SLC7A6: variants seen among roughly 807,000 people sequenced by gnomAD.
SLC7A6 encodes the protein Y+L amino acid transporter 2.
In SLC7A6, 29 loss-of-function variants were observed where a neutral mutation model predicts 46.6. That is an observed-to-expected ratio of 0.62 (90% CI 0.46 to 0.85). The LOEUF (loss-of-function observed/expected upper bound fraction) is 0.85. SLC7A6 is among the 40% of genes least tolerant of loss of function. The pLI is 0.00. For missense variants in SLC7A6, 527 were observed against 647.6 expected, an observed-to-expected ratio of 0.81 and a Z score of 2.02; for synonymous variants, 276 against 257.3, an observed-to-expected ratio of 1.07 and a Z score of -0.70.
At chr16:68,276,299 T>C (rs117923432) in intron 3 of SLC7A6, among the ~76,000 whole-genome samples, 132 of 152,356 alleles carry the variant, frequency 8.7e-4, no homozygotes, top group East Asian at 3.7e-3. Context: ...GCTGTGAATT[T>C]ACCCAGCCTT....
In SLC7A6 at chr16:68,295,521, G is replaced by C. The variant is rs72792205; in HGVS notation, c.1119+720G>C. On this transcript the variant is annotated intron_variant, in intron 8 of 10. Coordinates refer to ENST00000219343, the MANE Select transcript of SLC7A6 (RefSeq NM_003983.6). ...GCCCAGGCTGGTCTTGAGCTCCTGG[G>C]CTCCAGTGAGCTGCCACTTCAGTCT... Among the ~76,000 whole-genome samples, 913 of 152,236 alleles carry C rather than the reference G, an allele frequency of 6.0e-3. 1 individual carries two copies. The highest frequency in any genetic ancestry group is 1.0e-2 in the Non-Finnish European group (680 of 68,002).
chr16:68,275,527 G>A (rs1430337370), intron 3 of SLC7A6, among the ~76,000 whole-genome samples: 9 of 151,364 alleles, frequency 5.9e-5, no homozygotes, highest in South Asian at 4.2e-4. Flanking sequence ...CCCAGGAGGC[G>A]GAGGTTGTGG....
chr16:68,275,140 C>T lies in SLC7A6; in HGVS notation c.414C>T (p.Thr138=), dbSNP rs764933979. Residue 138 remains threonine (T), a synonymous_variant, in exon 3 of 11, where the codon ACC becomes ACT. Coordinates refer to ENST00000219343, the MANE Select transcript of SLC7A6 (RefSeq NM_003983.6). ...TCTCACTGCTAGTTGTTGAGCCCAC[C>T]GGTCAGGCCATCATCGCCATCACCT... ...LWVSLLVVEP[T]GQAIIAITFA... 20 of 1,613,962 alleles carry T rather than the reference C, an allele frequency of 1.2e-5. No homozygotes were observed. The highest frequency in any genetic ancestry group is 3.3e-4 in the Middle Eastern group (2 of 6,084).
chr16:68,301,171 A>G lies in SLC7A6; in HGVS notation c.*3843A>G, dbSNP rs2043265570. 1 of 1,494,104 alleles carries G rather than the reference A, an allele frequency of 6.7e-7. No homozygotes were observed. 92.6% of individuals were successfully genotyped at this position (1,494,104 alleles called of 1,614,324 possible). On this transcript the variant is annotated 3_prime_UTR_variant, in exon 11 of 11. Coordinates refer to ENST00000219343, the MANE Select transcript of SLC7A6 (RefSeq NM_003983.6). ...ATATGCTTGATATGCTTTTCCTTCC[A>G]CATGTTAAGCTAGGAAACCTAACAG...
intron 3 of SLC7A6, 71 bp downstream of exon 3, chr16:68,275,320 G>A: frequency 6.5e-7 from 1 of 1,544,774 alleles, no homozygotes; most frequent in Non-Finnish European, 8.7e-7. Context: ...TTTAGGCCGG[G>A]CGCGGTGGCT....
chr16:68,290,872 C>T (rs1441013254), intron 5 of SLC7A6: 3 of 471,460 alleles, frequency 6.4e-6, no homozygotes, highest in Non-Finnish European at 7.7e-6. Flanking sequence ...AAAACTTATT[C>T]TGGCCAGCTG....
At chr16:68,276,507 G>T (rs1249509211) in intron 3 of SLC7A6, among the ~76,000 whole-genome samples, 1 of 152,112 alleles carries the variant, frequency 6.6e-6, no homozygotes, top group Non-Finnish European at 1.5e-5. Context: ...GAATACCCAT[G>T]CCTCTTGACT....
Position 68,297,679 on chromosome 16 carries a change from A to G in SLC7A6, c.*351A>G, listed in dbSNP as rs528987664. 64 of 182,732 alleles carry G rather than the reference A, an allele frequency of 3.5e-4. No homozygotes were observed. Among genetic ancestry groups the G allele is most frequent in the African/African-American group, 1.5e-3 (62 of 42,342 alleles). 11.3% of individuals were successfully genotyped at this position (182,732 alleles called of 1,614,324 possible). Reference sequence around the variant, plus strand: ...AGGGCTGGTGGCTTCTGAATTTGGTATTTGAACTAGGAGTCCCTATAGAGG... The same window carrying G: ...AGGGCTGGTGGCTTCTGAATTTGGTGTTTGAACTAGGAGTCCCTATAGAGG... On this transcript the variant is annotated 3_prime_UTR_variant, in exon 11 of 11. Transcript: ENST00000219343.
In SLC7A6 at chr16:68,290,502, C is replaced by T. The variant is rs1355712726; in HGVS notation, c.756C>T (p.Thr252=). Residue 252 remains threonine (T), a synonymous_variant, in exon 5 of 11, where the codon ACC becomes ACT. Transcript: ENST00000219343. Reference sequence around the variant, plus strand: ...TCTTCTCTTACTCAGGTTGGGACACCCTTAATTTTGTAACAGAAGAAATCA... The same window carrying T: ...TCTTCTCTTACTCAGGTTGGGACACTCTTAATTTTGTAACAGAAGAAATCA... ...SALFSYSGWD[T]LNFVTEEIKN... 6 of 1,614,024 alleles carry T rather than the reference C, an allele frequency of 3.7e-6. No individual in the cohort carries two copies. The highest frequency in any genetic ancestry group is 5.1e-6 in the Non-Finnish European group (6 of 1,180,044).
intron 2 of SLC7A6, among the ~76,000 whole-genome samples, chr16:68,267,061 A>G (rs9926893): frequency 0.59 from 89,576 of 151,666 alleles, 26,680 homozygotes; most frequent in East Asian, 0.81. Flanking sequence ...CAGCCTCCCA[A>G]GTAGCTGGGA....
rs770992481 is a variant in SLC7A6 at position 68,301,299 on chromosome 16, G to A, written c.*3971G>A. 8.1e-6 allele frequency: 13 copies of A among 1,614,044 alleles called. No individual in the cohort carries two copies. The South Asian group carries it at 8.8e-5, about 11-fold the overall frequency. On this transcript the variant is annotated 3_prime_UTR_variant, in exon 11 of 11. Transcript: ENST00000219343. The stretch of plus-strand genomic sequence containing the variant: ...ATCAGTCTGAATCCAGGTCGTGGGG[G>A]CTGTCATAGCCGAACTCCTTCTGCA...
In SLC7A6 at chr16:68,296,441, C is replaced by T. The variant is rs2043167588; in HGVS notation, c.1197C>T (p.Phe399=). Residue 399 remains phenylalanine, a synonymous_variant, in exon 9 of 11, where the codon TTC becomes TTT. Coordinates refer to ENST00000219343, the MANE Select transcript of SLC7A6 (RefSeq NM_003983.6). ...LINYFSFSYW[F]FVGLSVVGQL... ...ACTACTTCAGCTTCAGCTACTGGTT[C>T]TTCGTGGGCCTGTCTGTTGTTGGAC... The T allele has an allele frequency of 6.2e-7, 1 of 1,614,052 alleles. No individual in the cohort carries two copies. Among genetic ancestry groups the T allele is most frequent in the Admixed American group, 1.7e-5 (1 of 60,000 alleles).
At position 68,297,085 on chromosome 16, in the gene SLC7A6, G is replaced by C. The variant is rs1164796048; in HGVS notation, c.1454-149G>C. ...TTGGGCATGGGACAGAGGATGATGA[G>C]GCTTGTTGGGAGACAGGGGCAAAGC... is the stretch of plus-strand genomic sequence containing the variant. On this transcript the variant is annotated intron_variant, in intron 10 of 10. Transcript: ENST00000219343. The C allele has an allele frequency of 5.4e-6, 4 of 739,208 alleles. No homozygotes were observed. In the East Asian group the frequency reaches 8.1e-5, roughly 15 times the overall value. The allele number at this position is 739,208 out of a possible 1,614,324, so 45.8% of individuals were successfully genotyped here.
intron 5 of SLC7A6, chr16:68,290,879 G>A: frequency 2.1e-6 from 1 of 473,124 alleles, no homozygotes. Flanking sequence ...ATTCTGGCCA[G>A]CTGGGTCCCC....
At chr16:68,287,244 C>A in intron 3 of SLC7A6, 1 of 1,087,454 alleles carries the variant, frequency 9.2e-7, no homozygotes, top group Non-Finnish European at 1.2e-6. Flanking sequence ...TCCCAAAGTG[C>A]TGGGATTACA....
At chr16:68,293,011 T>TA (rs1441798747) in intron 7 of SLC7A6, among the ~76,000 whole-genome samples, 2 of 152,094 alleles carry the variant, frequency 1.3e-5, no homozygotes, top group African/African-American at 4.8e-5. Flanking sequence ...GCATGAAAAA[T>TA]AAGAGAGAGT....
chr16:68,284,394 C>G (rs2042886283), intron 3 of SLC7A6: 1 of 152,268 alleles, frequency 6.6e-6, no homozygotes, highest in Admixed American at 6.5e-5. Context: ...TGGAAAAAGT[C>G]TCCTTCCCTC....
Position 68,301,147 on chromosome 16 carries a change from T to C in SLC7A6, c.*3819T>C. 1.4e-6 allele frequency: 2 copies of C among 1,458,224 alleles called. No homozygotes were observed. The highest frequency in any genetic ancestry group is 1.8e-6 in the Non-Finnish European group (2 of 1,101,216). The allele number at this position is 1,458,224 out of a possible 1,614,324, so 90.3% of individuals were successfully genotyped here. A position where few individuals can be genotyped will look rare whatever the true frequency, so the allele number is the denominator to read the frequency against. On this transcript the variant is annotated 3_prime_UTR_variant, in exon 11 of 11. Coordinates refer to ENST00000219343, the MANE Select transcript of SLC7A6 (RefSeq NM_003983.6). ...ACTGTGGTGGGATGGTGCCGCCCGA[T>C]ATGCTTGATATGCTTTTCCTTCCAC...
chr16:68,297,365 C>A lies in SLC7A6; in HGVS notation c.*37C>A. On this transcript the variant is annotated 3_prime_UTR_variant, in exon 11 of 11. Transcript: ENST00000219343. ...GGCTTTCTGAGGCCTGGAAGGCAGG[C>A]CAACCAGCAAAATCCTGATAACAAG... 6.4e-7 allele frequency: 1 copy of A among 1,565,996 alleles called. No homozygotes were observed. Among genetic ancestry groups the A allele is most frequent in the South Asian group, 1.1e-5 (1 of 89,486 alleles).
Sources: gnomAD v4.1 joint callset for allele counts (sites outside exome capture counted in the v4.1 genomes callset) on GRCh38, gnomAD v4.1.1 for gene constraint, MANE v1.5 for transcripts, NCBI Gene and HGNC (gene_info 2026-07-23, HGNC 2026-07-21) for gene names.